ABCA10: variants seen among roughly 807,000 people sequenced by gnomAD.
ABCA10 encodes the protein ATP binding cassette subfamily A member 10.
A neutral mutation model predicts 187.5 loss-of-function variants in ABCA10; 169 were observed. The ratio of observed to expected loss-of-function variants is 0.90; its 90% CI spans 0.80 to 1.02. The LOEUF (loss-of-function observed/expected upper bound fraction) is 1.02, where lower values mean the gene tolerates loss of function less well. Among genes scored for constraint, ABCA10 ranks in the 50% least tolerant of loss-of-function variants. The pLI is 0.00. For synonymous variants in ABCA10, 574 were observed against 601.8 expected, an observed-to-expected ratio of 0.95 and a Z score of 0.68; for missense variants, 1,727 against 1,812.4, an observed-to-expected ratio of 0.95 and a Z score of 0.86.
chr17:69,228,314 A>C (rs778409228), intron 1 of ABCA10, among the ~76,000 whole-genome samples: 4 of 152,020 alleles, frequency 2.6e-5, no homozygotes, highest in Non-Finnish European at 4.4e-5. Flanking sequence ...AAGGATATTC[A>C]AAGCAGTGTC....
chr17:69,186,106 T>C (rs1292351018), intron 19 of ABCA10, among the ~76,000 whole-genome samples: 1 of 152,190 alleles, frequency 6.6e-6, no homozygotes, highest in Non-Finnish European at 1.5e-5. Context: ...CTAAATGCAA[T>C]ATTTAAAACA....
At chr17:69,197,712 T>C (rs1298184330) in intron 10 of ABCA10, among the ~76,000 whole-genome samples, 1 of 152,202 alleles carries the variant, frequency 6.6e-6, no homozygotes, top group Non-Finnish European at 1.5e-5. Flanking sequence ...TTTTCTTAAG[T>C]CTCTAACTCC....
At position 69,215,866 on chromosome 17, in the gene ABCA10, T is replaced by C. The variant is rs369962721; in HGVS notation, c.807A>G (p.Gly269=). ...VLYRQLPLSL[G]WVLSLLSPFA... is the part of the protein sequence containing the mutation. The stretch of plus-strand genomic sequence containing the variant: ...AAGGGCTAAGAAGACTTAATACCCA[T>C]CCCAAAGATAAAGGAAGTTGTCTAT... Residue 269 remains glycine, a synonymous_variant, in exon 8 of 39, where the codon GGA becomes GGG. Coordinates refer to ENST00000690296, the MANE Select transcript of ABCA10 (RefSeq NM_001377321.1). 4.9e-5 allele frequency: 79 copies of C among 1,613,296 alleles called. No individual in the cohort carries two copies. The African/African-American group carries it at 8.4e-4, about 17-fold the overall frequency.
At chr17:69,235,715 A>G (rs2074864341) in intron 1 of ABCA10, among the ~76,000 whole-genome samples, 1 of 151,694 alleles carries the variant, frequency 6.6e-6, no homozygotes, top group Middle Eastern at 3.2e-3. Context: ...CACACCTTGC[A>G]TTGTGCTGCT....
Position 69,217,643 on chromosome 17 carries a change from G to C in ABCA10, c.531-1285C>G, listed in dbSNP as rs149267403. On this transcript the variant is annotated intron_variant, in intron 6 of 38. Coordinates refer to ENST00000690296, the MANE Select transcript of ABCA10 (RefSeq NM_001377321.1). ...ACTTGAGCCTTATTTGGGCAAAGCAGTACAATCTACTGAGTTAAGTAGTAA... is the reference window on the plus strand; with the variant it reads ...ACTTGAGCCTTATTTGGGCAAAGCACTACAATCTACTGAGTTAAGTAGTAA... Among the ~76,000 whole-genome samples the C allele has an allele frequency of 2.1e-3, 317 of 152,300 alleles. 3 individuals are homozygous for C. Among genetic ancestry groups the C allele is most frequent in the African/African-American group, 7.4e-3 (306 of 41,570 alleles).
At chr17:69,193,361 C>A in intron 14 of ABCA10, 113 bp from the exon 15 acceptor site, 1 of 1,513,066 alleles carries the variant, frequency 6.6e-7, no homozygotes. Context: ...CCACCAGATC[C>A]CTAACAAGCT....
intron 25 of ABCA10, among the ~76,000 whole-genome samples, chr17:69,173,979 ATGT>A (rs2144778750): frequency 6.6e-6 from 1 of 152,246 alleles, no homozygotes; most frequent in South Asian, 2.1e-4. Flanking sequence ...AAATGAAGAA[ATGT>A]CCTGAATGAT....
At chr17:69,225,088 T>TA (rs1163485123) in intron 3 of ABCA10, among the ~76,000 whole-genome samples, 1 of 151,638 alleles carries the variant, frequency 6.6e-6, no homozygotes, top group Non-Finnish European at 1.5e-5. Context: ...TGTTCTAGTA[T>TA]AAAGGGCAAA....
intron 6 of ABCA10, among the ~76,000 whole-genome samples, chr17:69,217,719 G>A (rs1002856120): frequency 6.6e-6 from 1 of 152,170 alleles, no homozygotes; most frequent in Non-Finnish European, 1.5e-5. Context: ...CAAGAAGTGT[G>A]AGGGCTTTAC....
intron 10 of ABCA10, among the ~76,000 whole-genome samples, chr17:69,198,851 G>A (rs1468335247): frequency 6.6e-6 from 1 of 152,106 alleles, no homozygotes; most frequent in African/African-American, 2.4e-5. Flanking sequence ...AGCTGCCAAA[G>A]TGATCTATCA....
At chr17:69,241,042 G>A (rs2074900547) in intron 1 of ABCA10, among the ~76,000 whole-genome samples, 1 of 152,180 alleles carries the variant, frequency 6.6e-6, no homozygotes, top group Admixed American at 6.5e-5. Flanking sequence ...CCACTTGGAT[G>A]TCTAATGAGC....
upstream of ABCA10, among the ~76,000 whole-genome samples, chr17:69,229,538 A>C (rs2074817188): frequency 6.6e-6 from 1 of 152,020 alleles, no homozygotes; most frequent in Non-Finnish European, 1.5e-5. Context: ...TGTGATTTTA[A>C]CTATAATAAT....
At chr17:69,191,099 T>C in intron 17 of ABCA10, 77 bp downstream of exon 17, 1 of 1,277,902 alleles carries the variant, frequency 7.8e-7, no homozygotes, top group Non-Finnish European at 1.0e-6. Flanking sequence ...AGAACTCGAT[T>C]CATAGAACAA....
intron 1 of ABCA10, among the ~76,000 whole-genome samples, chr17:69,235,760 G>T: frequency 6.6e-6 from 1 of 151,034 alleles, no homozygotes; most frequent in South Asian, 2.1e-4. Context: ...TATCTCTCAT[G>T]GTTACTGAGA....
In ABCA10 at chr17:69,152,355, C is replaced by A. The variant is rs1263626232; in HGVS notation, c.4256+7G>T. The A allele has an allele frequency of 1.9e-6, 3 of 1,612,460 alleles. No homozygotes were observed. The South Asian group carries it at 3.3e-5, about 18-fold the overall frequency. Reference sequence around the variant, plus strand: ...CTAGTCCCATGCTGGTCAGGACAGGCACCCACCTTAGCGTTCCTGACACCA... The same window carrying A: ...CTAGTCCCATGCTGGTCAGGACAGGAACCCACCTTAGCGTTCCTGACACCA... On this transcript the variant is annotated splice_region_variant and intron_variant, in intron 35 of 38. Transcript: ENST00000690296.
At chr17:69,208,528 T>G (rs973792321) in intron 9 of ABCA10, among the ~76,000 whole-genome samples, 13 of 152,020 alleles carry the variant, frequency 8.6e-5, no homozygotes, top group African/African-American at 1.4e-4. Flanking sequence ...AAATTTAACT[T>G]TGGCAATATA....
At position 69,164,856 on chromosome 17, in the gene ABCA10, TTGAATAACTTC is replaced by T; in HGVS notation, c.3282+97_3282+107del. On this transcript the variant is annotated intron_variant, in intron 26 of 38. Coordinates refer to ENST00000690296, the MANE Select transcript of ABCA10 (RefSeq NM_001377321.1). ...ATCTTATTTTTAGAATTTATCAGCATTGAATAACTTCAAAATTTTATAAATGCACCTGTTCC... is the reference window on the plus strand; with the variant it reads ...ATCTTATTTTTAGAATTTATCAGCATAAAATTTTATAAATGCACCTGTTCC... 4.5e-6 allele frequency: 6 copies of T among 1,334,318 alleles called. No homozygotes were observed. The South Asian group carries it at 9.8e-5, about 22-fold the overall frequency. The allele number at this position is 1,334,318 out of a possible 1,614,324, so 82.7% of individuals were successfully genotyped here.
At chr17:69,151,325 T>C (rs966579561) in intron 36 of ABCA10, among the ~76,000 whole-genome samples, 1 of 152,234 alleles carries the variant, frequency 6.6e-6, no homozygotes, top group Non-Finnish European at 1.5e-5. Flanking sequence ...TATCCTCATT[T>C]ATTTGTATCT....
intron 5 of ABCA10, 80 bp downstream of exon 5, chr17:69,221,712 G>T: frequency 7.9e-7 from 1 of 1,265,340 alleles, no homozygotes; most frequent in Non-Finnish European, 1.1e-6. Context: ...GAGTGTAAGA[G>T]TAAGGTAGGG....
Sources: allele counts gnomAD v4.1 joint callset (sites outside exome capture counted in the v4.1 genomes callset), GRCh38; gene constraint gnomAD v4.1.1; transcripts MANE v1.5; gene names NCBI Gene and HGNC (gene_info 2026-07-23, HGNC 2026-07-21).